The following USP25 variants were observed in gnomAD, a reference collection of about 807,000 sequenced individuals.
USP25 encodes ubiquitin specific peptidase 25.
USP25 carries 85 observed loss-of-function variants against 158.5 expected under a neutral mutation model. That is an observed-to-expected ratio of 0.54 (90% confidence interval 0.45 to 0.64). The LOEUF (loss-of-function observed/expected upper bound fraction) is 0.64, where lower values mean the gene tolerates loss of function less well. Ranked by LOEUF, USP25 falls within the 30% of genes least tolerant of loss-of-function variation. USP25 has a pLI of 0.00. For synonymous variants in USP25, 464 were observed against 460.4 expected, an observed-to-expected ratio of 1.01 and a Z score of -0.10; for missense variants, 1,242 against 1,327.3, an observed-to-expected ratio of 0.94 and a Z score of 1.00.
intron 1 of USP25, among the ~76,000 whole-genome samples, chr21:15,753,016 G>C (rs572152751): frequency 6.6e-6 from 1 of 152,226 alleles, no homozygotes; most frequent in Non-Finnish European, 1.5e-5. Context: ...TGGTCAGTAG[G>C]AGTTTTACTA....
In USP25 at chr21:15,875,670, A is replaced by G. The variant is rs553654761; in HGVS notation, c.3009+1144A>G. Among the ~76,000 whole-genome samples, 1 of 152,348 alleles carries G rather than the reference A, an allele frequency of 6.6e-6. No homozygotes were observed. The highest frequency in any genetic ancestry group is 2.1e-4 in the South Asian group (1 of 4,824). ...GATAAATAGAAGTTTTATTCATGATAGAGAAGGGAGAATATTCCAGTACAC... is the reference window on the plus strand; with the variant it reads ...GATAAATAGAAGTTTTATTCATGATGGAGAAGGGAGAATATTCCAGTACAC... On this transcript the variant is annotated intron_variant, in intron 24 of 25. Coordinates refer to ENST00000400183, the MANE Select transcript of USP25 (RefSeq NM_001283041.3). This position sits in a 1 kb window ranked among gnomAD's most constrained non-coding sequence, Gnocchi z 4.7.
At position 15,730,345 on chromosome 21, in the gene USP25, C is replaced by T. The variant is rs2030662419; in HGVS notation, c.-49C>T. 8.8e-7 allele frequency: 1 copy of T among 1,133,740 alleles called. No homozygotes were observed. The highest frequency in any genetic ancestry group is 1.1e-6 in the Non-Finnish European group (1 of 926,662). 70.2% of individuals were successfully genotyped at this position (1,133,740 alleles called of 1,614,324 possible). ...GCGGCAGCCAGGGCCGGCGGAGGCG[C>T]GAGGAGCCGGGCGCCACCGCCGCCG... On this transcript the variant is annotated 5_prime_UTR_variant, in exon 1 of 26. Transcript: ENST00000400183.
intron 3 of USP25, among the ~76,000 whole-genome samples, chr21:15,769,709 C>T (rs2123450581): frequency 6.6e-6 from 1 of 152,102 alleles, no homozygotes; most frequent in East Asian, 1.9e-4. Context: ...GCTCTTTTGC[C>T]CAATTTGAAG....
chr21:15,743,531 G>A (rs1015655774), intron 1 of USP25, among the ~76,000 whole-genome samples: 3 of 152,168 alleles, frequency 2.0e-5, no homozygotes, highest in Admixed American at 1.3e-4. Context: ...TTTTAGGTTT[G>A]GAATGAGGAG....
intron 1 of USP25, 97 bp from the exon 2 acceptor site, chr21:15,762,790 GTTTT>G: frequency 9.2e-7 from 1 of 1,089,102 alleles, no homozygotes; most frequent in Non-Finnish European, 1.3e-6. Flanking sequence ...ACTTTATTCT[GTTTT>G]TTGTTTGTTT....
At position 15,874,391 on chromosome 21, in the gene USP25, T is replaced by C. The variant is rs1218200596; in HGVS notation, c.2886-12T>C. 2 of 1,588,852 alleles carry C rather than the reference T, an allele frequency of 1.3e-6. No homozygotes were observed. Among genetic ancestry groups the C allele is most frequent in the Non-Finnish European group, 1.7e-6 (2 of 1,168,428 alleles). ...AAATACTAATGTTATATGTTTCTTT[T>C]TAATTTTCAAGTTATATAGATTCCT... On this transcript the variant is annotated splice_polypyrimidine_tract_variant and intron_variant, in intron 23 of 25. Coordinates refer to ENST00000400183, the MANE Select transcript of USP25 (RefSeq NM_001283041.3).
chr21:15,847,836 T>C lies in USP25; in HGVS notation c.2451+60T>C, dbSNP rs2038700408. 9.4e-6 allele frequency: 11 copies of C among 1,172,170 alleles called. No homozygotes were observed. In the South Asian group the frequency reaches 1.5e-4, roughly 16 times the overall value. The allele number at this position is 1,172,170 out of a possible 1,614,324, so 72.6% of individuals were successfully genotyped here. A position where few individuals can be genotyped will look rare whatever the true frequency, so the allele number is the denominator to read the frequency against. The stretch of plus-strand genomic sequence containing the variant: ...AACTTTTGCTATTTAATACAAATAC[T>C]TTGGGCATGCCTGCACCCTCATACT... On this transcript the variant is annotated intron_variant, in intron 19 of 25. Transcript: ENST00000400183.
intron 1 of USP25, chr21:15,744,882 C>T (rs2032400504): frequency 6.6e-6 from 1 of 152,510 alleles, no homozygotes; most frequent in Non-Finnish European, 1.5e-5. Context: ...GCCACCGCAC[C>T]CCGCCGGGTC....
intron 10 of USP25, 104 bp downstream of exon 10, chr21:15,818,950 A>AG (rs1432076863): frequency 7.6e-7 from 1 of 1,317,018 alleles, no homozygotes; most frequent in African/African-American, 1.5e-5. Flanking sequence ...TAATTGAGAG[A>AG]GAATACTCAG....
intron 4 of USP25, among the ~76,000 whole-genome samples, chr21:15,783,180 A>G (rs2035063392): frequency 6.6e-6 from 1 of 151,804 alleles, no homozygotes; most frequent in Admixed American, 6.6e-5. Flanking sequence ...TTGAAGACAG[A>G]TCGTTTGAAA....
intron 23 of USP25, among the ~76,000 whole-genome samples, chr21:15,872,220 T>G (rs986782464): frequency 6.6e-6 from 1 of 152,102 alleles, no homozygotes; most frequent in Admixed American, 6.5e-5. Context: ...AGAACCATAA[T>G]TTTATAGAGT....
At chr21:15,769,034 A>G (rs373568238) in intron 3 of USP25, among the ~76,000 whole-genome samples, 6 of 152,092 alleles carry the variant, frequency 3.9e-5, no homozygotes, top group African/African-American at 1.4e-4. Flanking sequence ...TTTTAGAAGG[A>G]ATAAATTTTT....
rs185427632 is a variant in USP25, at chr21:15,824,467, T to C, written c.1208+301T>C. 2.1e-3 allele frequency among the ~76,000 whole-genome samples: 314 copies of C among 152,308 alleles called. 1 individual carries two copies. Among genetic ancestry groups the C allele is most frequent in the Middle Eastern group, 0.014 (4 of 294 alleles). Reference sequence around the variant, plus strand: ...TATACAATTTTGAATGAATTGATGCTTTGTGGTGATGTCTGTACTTAATAT... The same window carrying C: ...TATACAATTTTGAATGAATTGATGCCTTGTGGTGATGTCTGTACTTAATAT... On this transcript the variant is annotated intron_variant, in intron 11 of 25. Transcript: ENST00000400183.
At chr21:15,808,952 A>G (rs1159878007) in intron 8 of USP25, 67 bp downstream of exon 8, 7 of 1,131,640 alleles carry the variant, frequency 6.2e-6, no homozygotes, top group Admixed American at 2.4e-5. Flanking sequence ...TTAAATGTCA[A>G]CAGAGAAATA....
At chr21:15,730,557 A>AC in intron 1 of USP25, 119 bp downstream of exon 1, 1 of 1,156,060 alleles carries the variant, frequency 8.7e-7, no homozygotes, top group Non-Finnish European at 1.1e-6. Flanking sequence ...CTCCCCGGTC[A>AC]CCCCCGGCCC....
At chr21:15,775,259 T>A (rs1396598395) in intron 3 of USP25, among the ~76,000 whole-genome samples, 1 of 152,234 alleles carries the variant, frequency 6.6e-6, no homozygotes. Context: ...ATTTTTAAAT[T>A]AGTTTCGGCT....
chr21:15,866,667 C>T (rs1417164398), intron 22 of USP25, among the ~76,000 whole-genome samples: 1 of 152,038 alleles, frequency 6.6e-6, no homozygotes. Context: ...ATTTTGAAAT[C>T]AACTTAGAAA....
At chr21:15,822,501 T>C (rs2037285086) in intron 10 of USP25, among the ~76,000 whole-genome samples, 1 of 152,134 alleles carries the variant, frequency 6.6e-6, no homozygotes, top group Middle Eastern at 3.4e-3. Context: ...GTGGCCATTG[T>C]AGATTTCCAT....
chr21:15,739,790 G>T (rs2031867966), intron 1 of USP25, among the ~76,000 whole-genome samples: 1 of 152,108 alleles, frequency 6.6e-6, no homozygotes, highest in Non-Finnish European at 1.5e-5. Context: ...AGTGAGTTTA[G>T]GAATGTCACT....
Sources: allele counts gnomAD v4.1 joint callset (sites outside exome capture counted in the v4.1 genomes callset), GRCh38; gene constraint gnomAD v4.1.1; non-coding constraint Gnocchi (gnomAD v3.1); transcripts MANE v1.5; gene names NCBI Gene and HGNC (gene_info 2026-07-23, HGNC 2026-07-21).